NR2E3: variants seen among roughly 807,000 people sequenced by gnomAD.
The protein encoded by NR2E3 is nuclear receptor subfamily 2 group E member 3.
NR2E3 carries 38 observed loss-of-function variants against 37.6 expected under a neutral mutation model. The ratio of observed to expected loss-of-function variants is 1.01; its 90% CI spans 0.78 to 1.33. The LOEUF (loss-of-function observed/expected upper bound fraction) is 1.33, where lower values mean the gene tolerates loss of function less well. Ranked by LOEUF, NR2E3 falls within the 40% of genes most tolerant of loss-of-function variation. The pLI is 0.00. For synonymous variants in NR2E3, 235 were observed against 225.1 expected, an observed-to-expected ratio of 1.04 and a Z score of -0.39; for missense variants, 562 against 558.7, an observed-to-expected ratio of 1.01 and a Z score of -0.06.
In NR2E3 at chr15:71,813,552, A is replaced by C. The variant is rs769195060; in HGVS notation, c.911A>C (p.Gln304Pro). 2 of 1,613,882 alleles carry C rather than the reference A, an allele frequency of 1.2e-6. No individual in the cohort carries two copies. Among genetic ancestry groups the C allele is most frequent in the South Asian group, 2.2e-5 (2 of 91,060 alleles). The change falls in exon 6 of 8, where the codon CAG becomes CCG. Residue 304 changes from glutamine to proline, a missense_variant. Gln to Pro is a moderately conservative substitution (Grantham distance 76). Transcript: ENST00000617575. This position sits in a 1 kb window ranked among gnomAD's most constrained non-coding sequence, Gnocchi z 4.7. Reference sequence around the variant, plus strand: ...GCCAGCATGGAGACGCGTGTCCTGCAGGAAACTATCTCTCGGTTCCGGGCA... The same window carrying C: ...GCCAGCATGGAGACGCGTGTCCTGCCGGAAACTATCTCTCGGTTCCGGGCA... ...TLASMETRVL[Q>P]ETISRFRALA...
At position 71,812,405 on chromosome 15, in the gene NR2E3, C is replaced by G. The variant is rs749050219; in HGVS notation, c.641C>G (p.Pro214Arg). ...TCCTCTCCATACTCCTCTTCCTCCC[C>G]CTGCGGCCTGGACAGCATCCATGAG... is the stretch of plus-strand genomic sequence containing the variant. ...FPSSPYSSSS[P>R]CGLDSIHETS... Residue 214 changes from proline (P) to arginine (R), a missense_variant, in exon 5 of 8, where the codon CCC (proline) becomes CGC (arginine). Coordinates refer to ENST00000617575, the MANE Select transcript of NR2E3 (RefSeq NM_014249.4). The G allele has an allele frequency of 1.9e-6, 3 of 1,613,968 alleles. No individual in the cohort carries two copies. The highest frequency in any genetic ancestry group is 1.7e-5 in the Admixed American group (1 of 60,026).
In NR2E3 at chr15:71,813,654, A is replaced by C; in HGVS notation, c.994+19A>C. The stretch of plus-strand genomic sequence containing the variant: ...AAGCCAGGTAACTGAGTCTCTGCCC[A>C]AACCTTGAGTGGGAATTCTGGTGAC... On this transcript the variant is annotated intron_variant, in intron 6 of 7. Transcript: ENST00000617575. This position sits in a 1 kb window ranked among gnomAD's most constrained non-coding sequence, Gnocchi z 4.7. 1 of 1,612,896 alleles carries C rather than the reference A, an allele frequency of 6.2e-7. No individual in the cohort carries two copies. Among genetic ancestry groups the C allele is most frequent in the South Asian group, 1.1e-5 (1 of 91,078 alleles).
At chr15:71,816,305 G>A (rs956360455) in intron 7 of NR2E3, among the ~76,000 whole-genome samples, 3 of 142,274 alleles carry the variant, frequency 2.1e-5, no homozygotes, top group African/African-American at 8.0e-5. Context: ...CTGTCACCCA[G>A]GCTGGAGCGC....
At position 71,811,558 on chromosome 15, in the gene NR2E3, A is replaced by G. The variant is rs1223363946; in HGVS notation, c.194A>G (p.Asn65Ser). The G allele has an allele frequency of 1.9e-6, 3 of 1,600,624 alleles. No homozygotes were observed. Among genetic ancestry groups the G allele is most frequent in the East Asian group, 2.3e-5 (1 of 44,284 alleles). Residue 65 changes from asparagine (N) to serine (S), a missense_variant, in exon 2 of 8, where the codon AAC becomes AGC. Asn to Ser is a conservative substitution (Grantham distance 46, BLOSUM62 1). Coordinates refer to ENST00000617575, the MANE Select transcript of NR2E3 (RefSeq NM_014249.4). The surrounding 1 kb of genome is among the most constrained non-coding windows in gnomAD (Gnocchi z 5.6). ...SGKHYGIYAC[N>S]GCSGFFKRSV... ...AAGCACTATGGCATCTATGCCTGCA[A>G]CGGCTGCAGCGGCTTCTTCAAGAGG...
chr15:71,817,489 C>T, intron 7 of NR2E3, 63 bp from the exon 8 acceptor site: 9 of 1,507,926 alleles, frequency 6.0e-6, no homozygotes, highest in East Asian at 2.3e-5. Context: ...GGGAGGGCAC[C>T]GCCCCAGGGA....
In NR2E3 at chr15:71,817,746, T is replaced by G; in HGVS notation, c.*62T>G. On this transcript the variant is annotated 3_prime_UTR_variant, in exon 8 of 8. Coordinates refer to ENST00000617575, the MANE Select transcript of NR2E3 (RefSeq NM_014249.4). ...AAACAATCTACTGAAACGAAACATT[T>G]GCCTACTCTTTGCCCCAGCAATTCC... The G allele has an allele frequency of 6.7e-7, 1 of 1,487,414 alleles. No individual in the cohort carries two copies. The allele number at this position is 1,487,414 out of a possible 1,614,324, so 92.1% of individuals were successfully genotyped here.
Position 71,811,601 on chromosome 15 carries a change from C to A in NR2E3, c.237C>A (p.Leu79=). ...GFFKRSVRRR[L]IYRCQVGAGM... is the part of the protein sequence containing the mutation. Reference sequence around the variant, plus strand: ...TCAAGAGGAGCGTACGGCGGAGGCTCATCTACAGGTGAGTGCGGTGGGCCC... The same window carrying A: ...TCAAGAGGAGCGTACGGCGGAGGCTAATCTACAGGTGAGTGCGGTGGGCCC... Residue 79 remains leucine (L), a synonymous_variant, in exon 2 of 8, where the codon CTC becomes CTA. Transcript: ENST00000617575. This position sits in a 1 kb window ranked among gnomAD's most constrained non-coding sequence, Gnocchi z 5.6. 1 of 1,603,930 alleles carries A rather than the reference C, an allele frequency of 6.2e-7. No individual in the cohort carries two copies. The highest frequency in any genetic ancestry group is 2.3e-5 in the East Asian group (1 of 44,314).
chr15:71,810,729 G>C lies in NR2E3; in HGVS notation c.-15G>C, dbSNP rs1239884271. ...CCAGGCCTCCCGCAGGCAGGCAGAG[G>C]CTGCCCTGTAACCCATGGAGACCAG... On this transcript the variant is annotated 5_prime_UTR_variant, in exon 1 of 8. Transcript: ENST00000617575. 6.4e-7 allele frequency: 1 copy of C among 1,558,480 alleles called. No individual in the cohort carries two copies. Among genetic ancestry groups the C allele is most frequent in the Admixed American group, 1.9e-5 (1 of 51,782 alleles).
At chr15:71,815,424 G>A (rs963529503) in intron 7 of NR2E3, among the ~76,000 whole-genome samples, 4 of 152,234 alleles carry the variant, frequency 2.6e-5, no homozygotes, top group Non-Finnish European at 5.9e-5. Flanking sequence ...GGAGAACGCT[G>A]CTACTACTAA....
chr15:71,812,905 C>T (rs919425822), intron 5 of NR2E3, among the ~76,000 whole-genome samples: 1 of 152,170 alleles, frequency 6.6e-6, no homozygotes, highest in African/African-American at 2.4e-5. Flanking sequence ...CAAGTGCCTA[C>T]GACTTCAGGG....
At chr15:71,816,249 A>C (rs548190011) in intron 7 of NR2E3, among the ~76,000 whole-genome samples, 1 of 148,552 alleles carries the variant, frequency 6.7e-6, no homozygotes, top group East Asian at 2.0e-4. Flanking sequence ...CTCCTGTCTT[A>C]GCAAATACTT....
Position 71,814,880 on chromosome 15 carries a change from A to C in NR2E3, c.1100+763A>C, listed in dbSNP as rs16956233. Reference sequence around the variant, plus strand: ...GAGACTCTAGGAGTTGAAATGGGTCAGACCCGGTGTTTGGGTGAAGGTAAG... The same window carrying C: ...GAGACTCTAGGAGTTGAAATGGGTCCGACCCGGTGTTTGGGTGAAGGTAAG... On this transcript the variant is annotated intron_variant, in intron 7 of 7. Coordinates refer to ENST00000617575, the MANE Select transcript of NR2E3 (RefSeq NM_014249.4). 6,799 of 985,554 alleles carry C rather than the reference A, an allele frequency of 6.9e-3. 313 individuals are homozygous for C. In the African/African-American group the frequency reaches 0.09, roughly 13 times the overall value. The allele number at this position is 985,554 out of a possible 1,614,324, so 61.1% of individuals were successfully genotyped here.
rs766385329 is a variant in NR2E3 at position 71,813,663 on chromosome 15, G to A, written c.994+28G>A. On this transcript the variant is annotated intron_variant, in intron 6 of 7. Transcript: ENST00000617575. This position sits in a 1 kb window ranked among gnomAD's most constrained non-coding sequence, Gnocchi z 4.7. ...AACTGAGTCTCTGCCCAAACCTTGA[G>A]TGGGAATTCTGGTGACTTCCATCTG... is the stretch of plus-strand genomic sequence containing the variant. The A allele has an allele frequency of 3.1e-6, 5 of 1,612,038 alleles. No individual in the cohort carries two copies. Among genetic ancestry groups the A allele is most frequent in the Non-Finnish European group, 4.2e-6 (5 of 1,179,866 alleles).
Position 71,810,801 on chromosome 15 carries a change from G to T in NR2E3, c.58G>T (p.Ala20Ser). The change falls in exon 1 of 8, where the codon GCT becomes TCT. Residue 20 changes from alanine (A) to serine (S), a missense_variant. By Grantham distance (99) the Ala-to-Ser change is moderately conservative (BLOSUM62 1). Coordinates refer to ENST00000617575, the MANE Select transcript of NR2E3 (RefSeq NM_014249.4). Reference protein sequence around the residue: ...SSTVAAAAPAAGAASRKESPG... With the variant: ...SSTVAAAAPASGAASRKESPG... ...CACAGTGGCTGCAGCTGCGCCTGCA[G>T]CTGGGGCTGCCTCCAGGAAGGAGTC... 6.3e-7 allele frequency: 1 copy of T among 1,575,956 alleles called. No homozygotes were observed.
chr15:71,814,267 G>C, intron 7 of NR2E3, 150 bp downstream of exon 7: 1 of 1,427,694 alleles, frequency 7.0e-7, no homozygotes, highest in Non-Finnish European at 9.2e-7. Flanking sequence ...CCCAGGCACA[G>C]TGCCAGGCCC....
rs2054175796 is a variant in NR2E3 at position 71,811,193 on chromosome 15, G to A, written c.119-290G>A. ...TTTCTGTGGGATGATGGAGCCTGAA[G>A]CCACCCACAGAGAAGGGATGGGAGC... On this transcript the variant is annotated intron_variant, in intron 1 of 7. Coordinates refer to ENST00000617575, the MANE Select transcript of NR2E3 (RefSeq NM_014249.4). The surrounding 1 kb of genome is among the most constrained non-coding windows in gnomAD (Gnocchi z 5.6). 6.6e-6 allele frequency among the ~76,000 whole-genome samples: 1 copy of A among 152,112 alleles called. No homozygotes were observed. Among genetic ancestry groups the A allele is most frequent in the Non-Finnish European group, 1.5e-5 (1 of 68,014 alleles).
In NR2E3 at chr15:71,811,391, G is replaced by A; in HGVS notation, c.119-92G>A. 1.6e-6 allele frequency: 2 copies of A among 1,234,842 alleles called. No homozygotes were observed. Among genetic ancestry groups the A allele is most frequent in the East Asian group, 2.6e-5 (1 of 39,006 alleles). 76.5% of individuals were successfully genotyped at this position (1,234,842 alleles called of 1,614,324 possible). On this transcript the variant is annotated intron_variant, in intron 1 of 7. Coordinates refer to ENST00000617575, the MANE Select transcript of NR2E3 (RefSeq NM_014249.4). This position sits in a 1 kb window ranked among gnomAD's most constrained non-coding sequence, Gnocchi z 5.6. ...CAAATGCGGGTGAGCGGGGCCTGAG[G>A]ACTGGGAAAGGGACCCGAGGGAAGG... is the stretch of plus-strand genomic sequence containing the variant.
Position 71,818,044 on chromosome 15 carries a change from CAAT to C in NR2E3, c.*365_*367del, listed in dbSNP as rs71131709. On this transcript the variant is annotated 3_prime_UTR_variant, in exon 8 of 8. Coordinates refer to ENST00000617575, the MANE Select transcript of NR2E3 (RefSeq NM_014249.4). ...TTCAGGAACAGGCAAGACTAATTGA[CAAT>C]AATAGAAGTTGGAATAGTGGTTACT... The C allele has an allele frequency of 0.017, 2,774 of 164,510 alleles. 38 individuals carry two copies. Among genetic ancestry groups the C allele is most frequent in the Non-Finnish European group, 0.025 (1,911 of 75,222 alleles). 10.2% of individuals were successfully genotyped at this position (164,510 alleles called of 1,614,324 possible). A position where few individuals can be genotyped will look rare whatever the true frequency, so the allele number is the denominator to read the frequency against.
Position 71,810,802 on chromosome 15 carries a change from C to G in NR2E3, c.59C>G (p.Ala20Gly). The G allele has an allele frequency of 6.3e-7, 1 of 1,575,316 alleles. No individual in the cohort carries two copies. The highest frequency in any genetic ancestry group is 8.6e-7 in the Non-Finnish European group (1 of 1,161,078). ...SSTVAAAAPAAGAASRKESPG... is the reference protein window; with the variant it reads ...SSTVAAAAPAGGAASRKESPG... ...ACAGTGGCTGCAGCTGCGCCTGCAG[C>G]TGGGGCTGCCTCCAGGAAGGAGTCT... The change falls in exon 1 of 8, where the codon GCT becomes GGT. Residue 20 changes from alanine (A) to glycine (G), a missense_variant. Physicochemically the swap from Ala to Gly is moderately conservative, Grantham distance 60. Transcript: ENST00000617575.
Sources: gnomAD v4.1 joint callset for allele counts (sites outside exome capture counted in the v4.1 genomes callset) on GRCh38, gnomAD v4.1.1 for gene constraint, Gnocchi (gnomAD v3.1) non-coding constraint, MANE v1.5 for transcripts, NCBI Gene and HGNC (gene_info 2026-07-23, HGNC 2026-07-21) for gene names.